Variants in RP1 observed in about 807,000 individuals in gnomAD.
RP1 encodes the protein RP1 axonemal microtubule associated.
A neutral mutation model predicts 14.8 loss-of-function variants in RP1; 16 were observed. That is an observed-to-expected ratio of 1.08 (90% CI 0.73 to 1.65). The LOEUF (loss-of-function observed/expected upper bound fraction) is 1.65, where lower values mean the gene tolerates loss of function less well. Ranked by LOEUF, RP1 falls within the 40% of genes most tolerant of loss-of-function variation. The pLI is 0.00. For missense variants in RP1, 2,631 were observed against 2,535.0 expected, an observed-to-expected ratio of 1.04 and a Z score of -0.81; for synonymous variants, 876 against 883.6, an observed-to-expected ratio of 0.99 and a Z score of 0.15.
chr8:54,783,733 T>A (rs1394840248), intron 24 of RP1: 13 of 1,219,800 alleles, frequency 1.1e-5, no homozygotes, highest in Non-Finnish European at 1.3e-5. Flanking sequence ...CAGCTATAAC[T>A]TGTTTGCTAA....
At chr8:54,737,890 T>C (rs993331755) in intron 18 of RP1, among the ~76,000 whole-genome samples, 1 of 152,186 alleles carries the variant, frequency 6.6e-6, no homozygotes, top group African/African-American at 2.4e-5. Context: ...CCTGCCTCTT[T>C]ATATCTCTAG....
At chr8:54,662,333 C>T (rs774253613) in intron 6 of RP1, among the ~76,000 whole-genome samples, 16 of 152,086 alleles carry the variant, frequency 1.1e-4, no homozygotes, top group African/African-American at 3.9e-4. Context: ...AATGCCAGTT[C>T]AGTTCTTAAA....
chr8:54,803,353 C>T (rs748903964), intron 24 of RP1, among the ~76,000 whole-genome samples: 1 of 151,990 alleles, frequency 6.6e-6, no homozygotes, highest in African/African-American at 2.4e-5. Context: ...CAGATGAACA[C>T]GGGAAAAATG....
intron 24 of RP1, among the ~76,000 whole-genome samples, chr8:54,814,537 C>G (rs954770341): frequency 4.6e-5 from 7 of 152,152 alleles, no homozygotes; most frequent in African/African-American, 1.7e-4. Flanking sequence ...TGATTAGACT[C>G]TGTACAGAAT....
intron 12 of RP1, chr8:54,680,031 T>C: frequency 7.1e-7 from 1 of 1,418,068 alleles, no homozygotes; most frequent in Admixed American, 2.8e-5. Context: ...TTGTTCTTTT[T>C]ACAGATGGCT....
intron 24 of RP1, among the ~76,000 whole-genome samples, chr8:54,828,455 C>A (rs560057898): frequency 6.6e-5 from 10 of 152,306 alleles, no homozygotes; most frequent in Admixed American, 4.6e-4. Context: ...TTCCCCCTCT[C>A]TCTTTTGCTT....
intron 17 of RP1, among the ~76,000 whole-genome samples, chr8:54,728,557 T>C (rs1322307747): frequency 2.0e-5 from 3 of 152,180 alleles, no homozygotes; most frequent in Non-Finnish European, 4.4e-5. Context: ...ATAAAACTGT[T>C]CTGTCTTCAT....
chr8:54,818,874 CTG>C (rs1811192280), intron 24 of RP1, among the ~76,000 whole-genome samples: 2 of 152,234 alleles, frequency 1.3e-5, no homozygotes, highest in African/African-American at 4.8e-5. Flanking sequence ...GGAGTGCATT[CTG>C]TGAGGAGAGT....
intron 2 of RP1, among the ~76,000 whole-genome samples, chr8:54,621,803 G>T (rs1020028600): frequency 2.6e-5 from 4 of 152,054 alleles, no homozygotes; most frequent in African/African-American, 9.7e-5. Context: ...TCTTCCCTGA[G>T]CCCTGAGTTA....
chr8:54,770,565 TTGAGA>T (rs767593344), downstream of RP1, among the ~76,000 whole-genome samples: 9 of 149,954 alleles, frequency 6.0e-5, no homozygotes, highest in South Asian at 2.1e-4. Context: ...TTTAGGCAAT[TTGAGA>T]TAACGTAAAA....
intron 9 of RP1, chr8:54,679,417 C>T: frequency 6.5e-7 from 1 of 1,535,400 alleles, no homozygotes. Flanking sequence ...TTTCTTTTCA[C>T]AGATGGCTAG....
Position 54,628,285 on chromosome 8 carries a change from T to C in RP1, c.4403T>C (p.Phe1468Ser). The C allele has an allele frequency of 6.2e-7, 1 of 1,613,902 alleles. No homozygotes were observed. The highest frequency in any genetic ancestry group is 8.5e-7 in the Non-Finnish European group (1 of 1,179,908). Reference protein sequence around the residue: ...SERNISELESFEELENHDTDI... With the variant: ...SERNISELESSEELENHDTDI... ...AGAAACATTTCAGAATTGGAATCTT[T>C]TGAAGAATTAGAAAACCATGACACT... Residue 1468 changes from phenylalanine to serine, a missense_variant, in exon 4 of 4, where the codon TTT becomes TCT. Physicochemically the swap from Phe to Ser is radical, Grantham distance 155. Coordinates refer to ENST00000220676, the MANE Select transcript of RP1 (RefSeq NM_006269.2).
intron 12 of RP1, among the ~76,000 whole-genome samples, chr8:54,689,859 T>C (rs1250870956): frequency 6.6e-6 from 1 of 152,064 alleles, no homozygotes; most frequent in Non-Finnish European, 1.5e-5. Context: ...ACAGTCACCA[T>C]ATCTCTAATA....
intron 9 of RP1, chr8:54,679,312 G>A (rs1029753587): frequency 4.4e-5 from 43 of 972,908 alleles, no homozygotes; most frequent in Non-Finnish European, 5.7e-5. Flanking sequence ...AGATAGCCAC[G>A]TCTTTTCCCT....
Position 54,860,321 on chromosome 8 carries a change from T to C in RP1, c.4069+3215T>C, listed in dbSNP as rs139325072. Among the ~76,000 whole-genome samples the C allele has an allele frequency of 6.4e-4, 98 of 152,062 alleles. 2 individuals carry two copies. The East Asian group carries it at 0.015, about 24-fold the overall frequency. On this transcript the variant is annotated intron_variant, in intron 27 of 28. Transcript: ENST00000637698. ...AAATGTGCAGGTACGGGAGGGACAA[T>C]AGTGAGATTCTCAAGTTATTTTTTT...
chr8:54,816,744 T>A (rs940022418), intron 24 of RP1, among the ~76,000 whole-genome samples: 7 of 152,212 alleles, frequency 4.6e-5, no homozygotes, highest in African/African-American at 1.7e-4. Flanking sequence ...GAACATGTTA[T>A]CTCCTGCTTT....
intron 1 of RP1, among the ~76,000 whole-genome samples, chr8:54,584,481 A>G (rs1804870461): frequency 6.6e-6 from 1 of 152,134 alleles, no homozygotes; most frequent in Non-Finnish European, 1.5e-5. Context: ...TATTCTATTG[A>G]TTTGGGGTGG....
intron 1 of RP1, among the ~76,000 whole-genome samples, chr8:54,609,922 T>G (rs1805552630): frequency 6.6e-6 from 1 of 152,204 alleles, no homozygotes; most frequent in East Asian, 1.9e-4. Flanking sequence ...TTTTGACTGG[T>G]TCATTCCTAT....
At chr8:54,809,549 C>T (rs1810937905) in intron 24 of RP1, among the ~76,000 whole-genome samples, 1 of 152,018 alleles carries the variant, frequency 6.6e-6, no homozygotes, top group South Asian at 2.1e-4. Flanking sequence ...AACAAATTCT[C>T]TGTATGTATT....
Sources: allele counts gnomAD v4.1 joint callset (sites outside exome capture counted in the v4.1 genomes callset), GRCh38; gene constraint gnomAD v4.1.1; transcripts MANE v1.5; gene names NCBI Gene and HGNC (gene_info 2026-07-23, HGNC 2026-07-21).